The following PPP3CA variants were observed in gnomAD, a reference collection of about 807,000 sequenced individuals.
PPP3CA encodes CAM-PRP catalytic subunit.
PPP3CA carries 14 observed loss-of-function variants against 66.5 expected under a neutral mutation model. The observed-to-expected ratio is 0.21, with a 90% CI of 0.14 to 0.33. The LOEUF (loss-of-function observed/expected upper bound fraction) is 0.33, where lower values mean the gene tolerates loss of function less well. PPP3CA is among the 10% of genes least tolerant of loss of function. PPP3CA has a pLI of 1.00. For synonymous variants in PPP3CA, 232 were observed against 226.2 expected (o/e 1.03, Z -0.23); for missense variants, 317 against 639.5 (o/e 0.50, Z 5.44).
chr4:101,194,527 A>T (rs890564752), intron 2 of PPP3CA, among the ~76,000 whole-genome samples: 9 of 152,182 alleles, frequency 5.9e-5, no homozygotes, highest in Non-Finnish European at 1.2e-4. Flanking sequence ...CATAAAGAGT[A>T]GATCCAAAGT....
At chr4:101,171,317 T>C (rs1723870965) in intron 2 of PPP3CA, 1 of 393,554 alleles carries the variant, frequency 2.5e-6, no homozygotes, top group Non-Finnish European at 5.0e-6. Flanking sequence ...CCATAGTTGG[T>C]TCTGATGCAT....
intron 3 of PPP3CA, among the ~76,000 whole-genome samples, chr4:101,103,045 C>T (rs1047790406): frequency 6.6e-6 from 1 of 152,166 alleles, no homozygotes; most frequent in Non-Finnish European, 1.5e-5. Flanking sequence ...ATAGCTTTCT[C>T]CTGTTTAATT....
At chr4:101,244,689 A>G (rs1200420219) in intron 1 of PPP3CA, among the ~76,000 whole-genome samples, 1 of 152,212 alleles carries the variant, frequency 6.6e-6, no homozygotes, top group African/African-American at 2.4e-5. Flanking sequence ...GATGTGGCAT[A>G]CACTTTATAT....
chr4:101,269,012 T>A (rs1490681670), intron 1 of PPP3CA, among the ~76,000 whole-genome samples: 1 of 152,158 alleles, frequency 6.6e-6, no homozygotes, highest in Non-Finnish European at 1.5e-5. Context: ...AAAATTCATT[T>A]ATCATGTCTA....
chr4:101,299,108 T>TG (rs1338186462), intron 1 of PPP3CA, among the ~76,000 whole-genome samples: 7 of 81,830 alleles, frequency 8.6e-5, no homozygotes, highest in African/African-American at 3.6e-4. Context: ...CATATATCGT[T>TG]TTTTTTTTTT....
intron 1 of PPP3CA, among the ~76,000 whole-genome samples, chr4:101,240,579 C>G (rs923254030): frequency 6.6e-6 from 1 of 151,574 alleles, no homozygotes; most frequent in African/African-American, 2.4e-5. Context: ...GATACGCAAA[C>G]AGGAAAAAAT....
intron 1 of PPP3CA, among the ~76,000 whole-genome samples, chr4:101,215,692 T>C (rs1286153617): frequency 6.6e-6 from 1 of 152,090 alleles, no homozygotes; most frequent in Non-Finnish European, 1.5e-5. Flanking sequence ...TAAATAAAAC[T>C]AACCTTCAGT....
intron 11 of PPP3CA, among the ~76,000 whole-genome samples, chr4:101,039,192 T>C (rs1727393826): frequency 6.9e-6 from 1 of 144,778 alleles, no homozygotes; most frequent in African/African-American, 2.5e-5. Context: ...ATCTTTGCAC[T>C]TGCTATTGTC....
intron 1 of PPP3CA, among the ~76,000 whole-genome samples, chr4:101,197,307 C>T (rs901039709): frequency 2.6e-5 from 4 of 152,242 alleles, no homozygotes; most frequent in Admixed American, 6.5e-5. Flanking sequence ...TTTGTAATCC[C>T]GAGTTAAATT....
At position 101,024,674 on chromosome 4, in the gene PPP3CA, T is replaced by C. The variant is rs1364939761; in HGVS notation, c.*1191A>G. The C allele has an allele frequency of 6.6e-6, 1 of 152,638 alleles. No individual in the cohort carries two copies. The highest frequency in any genetic ancestry group is 6.5e-5 in the Admixed American group (1 of 15,284). 9.5% of individuals were successfully genotyped at this position (152,638 alleles called of 1,614,324 possible). On this transcript the variant is annotated 3_prime_UTR_variant, in exon 14 of 14. Transcript: ENST00000394854. ...AGAGTTTCACATGTAACTACAAACTTATTATAATTTCACAAGGTTTGCTAA... is the reference window on the plus strand; with the variant it reads ...AGAGTTTCACATGTAACTACAAACTCATTATAATTTCACAAGGTTTGCTAA...
intron 8 of PPP3CA, among the ~76,000 whole-genome samples, chr4:101,063,788 C>A (rs1358313): frequency 2.0e-5 from 3 of 151,662 alleles, no homozygotes; most frequent in Admixed American, 2.0e-4. Flanking sequence ...GAACTCCCAA[C>A]AGTTGTACAA....
chr4:101,216,583 G>C (rs529141705), intron 1 of PPP3CA, among the ~76,000 whole-genome samples: 1 of 152,068 alleles, frequency 6.6e-6, no homozygotes, highest in African/African-American at 2.4e-5. Flanking sequence ...CTGTTGCCCA[G>C]GCTGAATTCA....
At chr4:101,032,514 C>CTTTA (rs1035886214) in intron 11 of PPP3CA, 150 bp from the exon 12 acceptor site, 6 of 641,696 alleles carry the variant, frequency 9.4e-6, no homozygotes, top group East Asian at 5.5e-5. Context: ...TTTTAACATA[C>CTTTA]TTTATTTTAA....
chr4:101,165,313 T>C (rs2110310377), intron 2 of PPP3CA, among the ~76,000 whole-genome samples: 1 of 152,296 alleles, frequency 6.6e-6, no homozygotes, highest in Non-Finnish European at 1.5e-5. Flanking sequence ...GGCAGTCTTT[T>C]TCCCAAACAT....
intron 1 of PPP3CA, among the ~76,000 whole-genome samples, chr4:101,342,325 G>A (rs1298910051): frequency 6.6e-6 from 1 of 152,028 alleles, no homozygotes; most frequent in East Asian, 1.9e-4. Flanking sequence ...AGAATCACTG[G>A]AATTCCCCTG....
At position 101,040,150 on chromosome 4, in the gene PPP3CA, A is replaced by G. The variant is rs1367621513; in HGVS notation, c.1241+332T>C. Among the ~76,000 whole-genome samples, 3 of 152,200 alleles carry G rather than the reference A, an allele frequency of 2.0e-5. No individual in the cohort carries two copies. The East Asian group carries it at 5.8e-4, about 29-fold the overall frequency. On this transcript the variant is annotated intron_variant, in intron 11 of 13. Transcript: ENST00000394854. ...TTCACCACGAGCCAGAACGAAAAAC[A>G]AAACAAAAAAAATTACAATAGCTTT...
chr4:101,033,191 GAA>G (rs1042827895), intron 11 of PPP3CA, among the ~76,000 whole-genome samples: 3 of 150,658 alleles, frequency 2.0e-5, no homozygotes, highest in Non-Finnish European at 3.0e-5. Flanking sequence ...TACATAACCA[GAA>G]AAAAGTCTTT....
At chr4:101,150,970 T>C (rs1049474304) in intron 2 of PPP3CA, among the ~76,000 whole-genome samples, 3 of 152,180 alleles carry the variant, frequency 2.0e-5, no homozygotes, top group Admixed American at 1.3e-4. Flanking sequence ...TTACATGTAA[T>C]CCACAAAGGT....
rs1263133792 is a variant in PPP3CA, at chr4:101,241,986, G to C, written c.59-45870C>G. Among the ~76,000 whole-genome samples, 10 of 152,092 alleles carry C rather than the reference G, an allele frequency of 6.6e-5. No homozygotes were observed. The East Asian group carries it at 1.9e-3, about 29-fold the overall frequency. ...ACAGTCATAATTCTTTTAATATTCT[G>C]GAACTATAAGATATCAGTTTTATGG... On this transcript the variant is annotated intron_variant, in intron 1 of 13. Transcript: ENST00000394854.
Sources: gnomAD v4.1 joint callset for allele counts (sites outside exome capture counted in the v4.1 genomes callset) on GRCh38, gnomAD v4.1.1 for gene constraint, MANE v1.5 for transcripts, NCBI Gene and HGNC (gene_info 2026-07-23, HGNC 2026-07-21) for gene names.